Variants in TMEM39B observed in about 807,000 individuals in gnomAD.
The protein encoded by TMEM39B is transmembrane protein 39B.
TMEM39B carries 23 observed loss-of-function variants against 52.2 expected under a neutral mutation model. That is an observed-to-expected ratio of 0.44 (90% confidence interval 0.32 to 0.62). The LOEUF (loss-of-function observed/expected upper bound fraction) is 0.62, where lower values mean the gene tolerates loss of function less well. TMEM39B is among the 20% of genes least tolerant of loss of function. The pLI, the probability that TMEM39B is intolerant of heterozygous loss-of-function variation, is 0.06. For missense variants in TMEM39B, 547 were observed against 642.0 expected, an observed-to-expected ratio of 0.85 and a Z score of 1.60; for synonymous variants, 285 against 264.0, an observed-to-expected ratio of 1.08 and a Z score of -0.77.
chr1:32,080,380 T>G (rs1050124293), intron 5 of TMEM39B, among the ~76,000 whole-genome samples: 3 of 151,904 alleles, frequency 2.0e-5, no homozygotes, highest in Admixed American at 6.6e-5. Context: ...ACTTAAGAGT[T>G]GCCTGTCGGA....
Position 32,102,669 on chromosome 1 carries a change from C to G in TMEM39B, c.1475C>G (p.Ser492Cys). The part of the protein sequence containing the change: ...SPQRDLDHRF[S>C] ...CAGAGAGACCTGGACCACCGTTTCT[C>G]CTGAGCCCTGGGGTCACCTCAGGGA... The change falls in exon 9 of 9, where the codon TCC becomes TGC. Residue 492 changes from serine to cysteine, a missense_variant. Ser to Cys is a moderately radical substitution (Grantham distance 112). Transcript: ENST00000336294. 6.4e-7 allele frequency: 1 copy of G among 1,566,626 alleles called. No individual in the cohort carries two copies. The highest frequency in any genetic ancestry group is 1.8e-5 in the Admixed American group (1 of 55,936).
At chr1:32,088,811 C>T (rs376808327) in intron 5 of TMEM39B, among the ~76,000 whole-genome samples, 2 of 151,816 alleles carry the variant, frequency 1.3e-5, no homozygotes, top group Non-Finnish European at 2.9e-5. Context: ...CACATAGGTG[C>T]CCCCGCCCCC....
intron 7 of TMEM39B, among the ~76,000 whole-genome samples, chr1:32,098,752 A>G (rs1317742669): frequency 6.6e-6 from 1 of 152,020 alleles, no homozygotes; most frequent in African/African-American, 2.4e-5. Context: ...AAAAAAAAGA[A>G]AGCTCACCGG....
intron 5 of TMEM39B, among the ~76,000 whole-genome samples, chr1:32,079,187 T>TTC (rs1463452392): frequency 6.9e-6 from 1 of 144,874 alleles, no homozygotes; most frequent in African/African-American, 2.5e-5. Flanking sequence ...ATTTCTTTCT[T>TTC]TTTTTTTTTT....
Position 32,102,338 on chromosome 1 carries a change from G to A in TMEM39B, c.1237-93G>A, listed in dbSNP as rs1376978274. On this transcript the variant is annotated intron_variant, in intron 8 of 8. Transcript: ENST00000336294. ...CCCATGTCTGCATGGGGCCCCAGGA[G>A]GCTGTCCCCTTCACTGGCCCACCCA... 2.0e-6 allele frequency: 3 copies of A among 1,537,434 alleles called. No individual in the cohort carries two copies. The African/African-American group carries it at 4.1e-5, about 21-fold the overall frequency.
chr1:32,076,774 G>C lies in TMEM39B; in HGVS notation c.363G>C (p.Leu121=). 1 of 1,614,056 alleles carries C rather than the reference G, an allele frequency of 6.2e-7. No homozygotes were observed. The highest frequency in any genetic ancestry group is 8.5e-7 in the Non-Finnish European group (1 of 1,179,982). ...PPSHTSLNFH[L]IDFNLLMVTT... ...CTGCCCCCTGACAGAACTTCCATCT[G>C]ATCGACTTCAACTTGCTGATGGTGA... Residue 121 remains leucine (L), a synonymous_variant, in exon 4 of 9, where the codon CTG becomes CTC. Transcript: ENST00000336294.
rs1164388754 is a variant in TMEM39B, at chr1:32,095,122, G to A, written c.1115+151G>A. On this transcript the variant is annotated intron_variant, in intron 7 of 8. Coordinates refer to ENST00000336294, the MANE Select transcript of TMEM39B (RefSeq NM_018056.4). ...AGGCCAGGTGTCCAGGGTGGGGTAT[G>A]GTGGGGCCTGACACACATGTTCCCT... The A allele has an allele frequency of 4.5e-6, 4 of 897,654 alleles. No homozygotes were observed. In the Admixed American group the frequency reaches 7.4e-5, roughly 17 times the overall value. The allele number at this position is 897,654 out of a possible 1,614,324, so 55.6% of individuals were successfully genotyped here.
chr1:32,096,074 C>G (rs1640795137), intron 7 of TMEM39B, among the ~76,000 whole-genome samples: 1 of 152,154 alleles, frequency 6.6e-6, no homozygotes, highest in South Asian at 2.1e-4. Flanking sequence ...TTACCATGCC[C>G]CAACCCATCC....
Position 32,077,224 on chromosome 1 carries a change from A to G in TMEM39B, c.496A>G (p.Thr166Ala), listed in dbSNP as rs1292425721. Residue 166 changes from threonine (T) to alanine (A), a missense_variant, in exon 5 of 9, where the codon ACC becomes GCC. Physicochemically the swap from Thr to Ala is moderately conservative, Grantham distance 58 (BLOSUM62 0). Transcript: ENST00000336294. ...CATCCTGCTGTTCCTCACTCGCTTC[A>G]CCGTTCTCACGGCAACAGGCTGGAG... ...RSILLFLTRF[T>A]VLTATGWSLC... 10 of 1,613,800 alleles carry G rather than the reference A, an allele frequency of 6.2e-6. No individual in the cohort carries two copies. The highest frequency in any genetic ancestry group is 1.3e-5 in the African/African-American group (1 of 74,826).
At chr1:32,073,438 C>T in intron 1 of TMEM39B, 1 of 614,076 alleles carries the variant, frequency 1.6e-6, no homozygotes, top group African/African-American at 2.0e-5. Flanking sequence ...GGCGGTGGAG[C>T]GGGGAGACTT....
At chr1:32,081,366 G>A (rs1284350268) in intron 5 of TMEM39B, among the ~76,000 whole-genome samples, 1 of 151,730 alleles carries the variant, frequency 6.6e-6, no homozygotes, top group Non-Finnish European at 1.5e-5. Flanking sequence ...CTGCCTCCCA[G>A]GCTCAAGCCG....
At chr1:32,076,974 G>A (rs1639889650) in intron 4 of TMEM39B, 128 bp downstream of exon 4, 1 of 1,299,998 alleles carries the variant, frequency 7.7e-7, no homozygotes, top group Non-Finnish European at 1.1e-6. Flanking sequence ...CTTGGTTGAA[G>A]AACATTAGTT....
chr1:32,095,938 G>T lies in TMEM39B; in HGVS notation c.1115+967G>T, dbSNP rs184798415. 3.0e-4 allele frequency among the ~76,000 whole-genome samples: 45 copies of T among 152,332 alleles called. 1 individual carries two copies. The East Asian group carries it at 4.0e-3, about 14-fold the overall frequency. The stretch of plus-strand genomic sequence containing the variant: ...TTGGCTTAGCCTTGGGCTCTGAGGG[G>T]TGGGAGGAATAGAAAGATAGAACAT... On this transcript the variant is annotated intron_variant, in intron 7 of 8. Coordinates refer to ENST00000336294, the MANE Select transcript of TMEM39B (RefSeq NM_018056.4).
intron 5 of TMEM39B, among the ~76,000 whole-genome samples, chr1:32,082,463 TA>T (rs1226686020): frequency 3.3e-5 from 5 of 152,074 alleles, no homozygotes; most frequent in African/African-American, 1.2e-4. Context: ...TTTTTATTTT[TA>T]TTTTTTTTGA....
intron 5 of TMEM39B, among the ~76,000 whole-genome samples, chr1:32,085,479 G>A (rs72666734): frequency 0.077 from 11,738 of 152,134 alleles, 701 homozygotes; most frequent in South Asian, 0.24. Context: ...TTGGCTGGGC[G>A]TGGTGGCTCA....
In TMEM39B at chr1:32,075,025, A is replaced by G. The variant is rs1262997757; in HGVS notation, c.79A>G (p.Ser27Gly). Residue 27 changes from serine (S) to glycine (G), a missense_variant, in exon 2 of 9, where the codon AGT (serine) becomes GGT (glycine). Transcript: ENST00000336294. Reference sequence around the variant, plus strand: ...TGAGCCGGGATCCTCGGGGGGCTCTAGTGGAAGCCACACTTCCAGTGCATC... The same window carrying G: ...TGAGCCGGGATCCTCGGGGGGCTCTGGTGGAAGCCACACTTCCAGTGCATC... ...LCEPGSSGGS[S>G]GSHTSSASVT... The G allele has an allele frequency of 4.5e-6, 7 of 1,551,488 alleles. No individual in the cohort carries two copies. The highest frequency in any genetic ancestry group is 2.7e-5 in the African/African-American group (2 of 73,036).
intron 2 of TMEM39B, among the ~76,000 whole-genome samples, 189 bp downstream of exon 2, chr1:32,075,266 G>C (rs1036848113): frequency 4.6e-5 from 7 of 152,182 alleles, no homozygotes; most frequent in Admixed American, 3.9e-4. Context: ...AGTGGGACAT[G>C]GTAGAATAAA....
At chr1:32,092,120 TC>T in intron 6 of TMEM39B, 109 bp downstream of exon 6, 1 of 1,040,916 alleles carries the variant, frequency 9.6e-7, no homozygotes, top group Non-Finnish European at 1.4e-6. Flanking sequence ...TGATGTGATT[TC>T]CCATCTCTGG....
In TMEM39B at chr1:32,094,117, CTTTTTTTTTTT is replaced by C. The variant is rs796499631; in HGVS notation, c.928-650_928-640del. On this transcript the variant is annotated intron_variant, in intron 6 of 8. Coordinates refer to ENST00000336294, the MANE Select transcript of TMEM39B (RefSeq NM_018056.4). ...ACAGGTGTGAGCCACTGCGCCTGGC[CTTTTTTTTTTT>C]TTTTTTTTTTTTTTTTGAGGCGGAG... is the stretch of plus-strand genomic sequence containing the variant. 5.4e-4 allele frequency among the ~76,000 whole-genome samples: 16 copies of C among 29,804 alleles called. No homozygotes were observed. In the East Asian group the frequency reaches 7.1e-3, roughly 13 times the overall value. The allele number at this position is 29,804 out of a possible 152,430, so 19.6% of individuals were successfully genotyped here.
Sources: allele counts gnomAD v4.1 joint callset (sites outside exome capture counted in the v4.1 genomes callset), GRCh38; gene constraint gnomAD v4.1.1; transcripts MANE v1.5; gene names NCBI Gene and HGNC (gene_info 2026-07-23, HGNC 2026-07-21).